The following CAD variants were observed in gnomAD, a reference collection of about 807,000 sequenced individuals.
The protein encoded by CAD is carbamoyl-phosphate synthetase 2, aspartate transcarbamylase, and dihydroorotase.
In CAD, 81 loss-of-function variants were observed where a neutral mutation model predicts 237.2. That is an observed-to-expected ratio of 0.34 (90% CI 0.29 to 0.41). The LOEUF is 0.41. Among genes scored for constraint, CAD ranks in the 10% least tolerant of loss-of-function variants. CAD has a pLI of 1.00. For missense variants in CAD, 2,181 were observed against 2,951.7 expected, an observed-to-expected ratio of 0.74 and a Z score of 6.05; for synonymous variants, 1,196 against 1,162.8, an observed-to-expected ratio of 1.03 and a Z score of -0.58.
Position 27,217,542 on chromosome 2 carries a change from C to A in CAD, c.-10C>A. The A allele has an allele frequency of 6.2e-7, 1 of 1,601,270 alleles. No individual in the cohort carries two copies. Among genetic ancestry groups the A allele is most frequent in the South Asian group, 1.1e-5 (1 of 88,692 alleles). On this transcript the variant is annotated 5_prime_UTR_variant, in exon 1 of 44. Transcript: ENST00000264705. Reference sequence around the variant, plus strand: ...CTCCGTACTCGCCCCCGCCTCTGAGCTCCCTTCCCATGGCGGCCCTAGTGT... The same window carrying A: ...CTCCGTACTCGCCCCCGCCTCTGAGATCCCTTCCCATGGCGGCCCTAGTGT...
At position 27,233,286 on chromosome 2, in the gene CAD, C is replaced by A. The variant is rs750460814; in HGVS notation, c.2992-26C>A. 1 of 1,598,718 alleles carries A rather than the reference C, an allele frequency of 6.3e-7. No individual in the cohort carries two copies. Among genetic ancestry groups the A allele is most frequent in the South Asian group, 1.1e-5 (1 of 90,706 alleles). ...GATTCCTGCCCTCTTTTGCTGCCACCACTTGTTTCTCCCCCTGCAACGTAG... is the reference window on the plus strand; with the variant it reads ...GATTCCTGCCCTCTTTTGCTGCCACAACTTGTTTCTCCCCCTGCAACGTAG... On this transcript the variant is annotated intron_variant, in intron 19 of 43. Transcript: ENST00000264705. The surrounding 1 kb of genome is among the most constrained non-coding windows in gnomAD (Gnocchi z 6.3).
In CAD at chr2:27,236,803, A is replaced by G. The variant is rs1290483871; in HGVS notation, c.4369A>G (p.Thr1457Ala). The G allele has an allele frequency of 2.5e-6, 4 of 1,613,880 alleles. No homozygotes were observed. The highest frequency in any genetic ancestry group is 3.4e-6 in the Non-Finnish European group (4 of 1,179,994). The change falls in exon 27 of 44, where the codon ACC becomes GCC. Residue 1457 changes from threonine (T) to alanine (A), a missense_variant. By Grantham distance (58) the Thr-to-Ala change is moderately conservative (BLOSUM62 0). Coordinates refer to ENST00000264705, the MANE Select transcript of CAD (RefSeq NM_004341.5). This position sits in a 1 kb window ranked among gnomAD's most constrained non-coding sequence, Gnocchi z 4.1. ...PPLKVHVDCMTSQKLVRLPGL... is the reference protein window; with the variant it reads ...PPLKVHVDCMASQKLVRLPGL... The stretch of plus-strand genomic sequence containing the variant: ...TTTGAAGGTGCATGTTGACTGTATG[A>G]CCTCCCAAAAGCTTGTGCGACTGCC...
intron 15 of CAD, among the ~76,000 whole-genome samples, chr2:27,228,660 C>T (rs1289106463): frequency 2.0e-5 from 3 of 151,664 alleles, no homozygotes; most frequent in Non-Finnish European, 2.9e-5. Context: ...GGTGTGATCT[C>T]GGCTCACCAC....
At chr2:27,230,204 G>T (rs2148073444) in intron 15 of CAD, among the ~76,000 whole-genome samples, 1 of 152,128 alleles carries the variant, frequency 6.6e-6, no homozygotes, top group South Asian at 2.1e-4. Context: ...TGCCATTGCA[G>T]TCCAGCGTGG....
At chr2:27,217,723 C>G in intron 1 of CAD, 90 bp downstream of exon 1, 1 of 1,431,998 alleles carries the variant, frequency 7.0e-7, no homozygotes, top group Non-Finnish European at 9.5e-7. Context: ...CGCCATTTTC[C>G]CGCCAGCGTA....
At chr2:27,228,199 G>A (rs1012366279) in intron 15 of CAD, among the ~76,000 whole-genome samples, 3 of 152,168 alleles carry the variant, frequency 2.0e-5, no homozygotes, top group East Asian at 1.9e-4. Flanking sequence ...CTTTACAGAA[G>A]AAGAAATCAA....
chr2:27,223,024 A>G lies in CAD; in HGVS notation c.796A>G (p.Thr266Ala). The change falls in exon 6 of 44, where the codon ACT becomes GCT. Residue 266 changes from threonine (T) to alanine (A), a missense_variant. Physicochemically the swap from Thr to Ala is moderately conservative, Grantham distance 58 (BLOSUM62 0). Coordinates refer to ENST00000264705, the MANE Select transcript of CAD (RefSeq NM_004341.5). ...ATTGGCCTTAGCCATTGGGGCCAAG[A>G]CTTACAAGATGAGGTGGGACTTGTG... is the stretch of plus-strand genomic sequence containing the variant. ...QLLALAIGAK[T>A]YKMRYGNRGH... The G allele has an allele frequency of 6.2e-7, 1 of 1,614,186 alleles. No individual in the cohort carries two copies. Among genetic ancestry groups the G allele is most frequent in the Non-Finnish European group, 8.5e-7 (1 of 1,180,020 alleles).
In CAD at chr2:27,237,714, C is replaced by T. The variant is rs773612945; in HGVS notation, c.4564-4C>T. On this transcript the variant is annotated splice_polypyrimidine_tract_variant and splice_region_variant and intron_variant, in intron 28 of 43. Coordinates refer to ENST00000264705, the MANE Select transcript of CAD (RefSeq NM_004341.5). The surrounding 1 kb of genome is among the most constrained non-coding windows in gnomAD (Gnocchi z 4.0). ...TGAGCCTTACCTCTGTGTATCCTCT[C>T]CAGCTGGCAGAGGCTGGCGCCCGGT... 4 of 1,611,110 alleles carry T rather than the reference C, an allele frequency of 2.5e-6. No individual in the cohort carries two copies. The highest frequency in any genetic ancestry group is 1.3e-5 in the African/African-American group (1 of 74,948).
Position 27,233,332 on chromosome 2 carries a change from G to A in CAD, c.3012G>A (p.Glu1004=), listed in dbSNP as rs751975843. The A allele has an allele frequency of 1.7e-5, 27 of 1,614,084 alleles. No individual in the cohort carries two copies. Among genetic ancestry groups the A allele is most frequent in the Non-Finnish European group, 2.3e-5 (27 of 1,180,018 alleles). Residue 1004 remains glutamate (E), a synonymous_variant, in exon 20 of 44, where the codon GAG becomes GAA. Coordinates refer to ENST00000264705, the MANE Select transcript of CAD (RefSeq NM_004341.5). The surrounding 1 kb of genome is among the most constrained non-coding windows in gnomAD (Gnocchi z 6.3). ...CGTAGGTGGTGATGGACATCTATGAGCTCGAGAACCCTGAAGGTGTGATCC... is the reference window on the plus strand; with the variant it reads ...CGTAGGTGGTGATGGACATCTATGAACTCGAGAACCCTGAAGGTGTGATCC... The part of the protein sequence containing the change: ...ISFEVVMDIY[E]LENPEGVILS...
intron 15 of CAD, among the ~76,000 whole-genome samples, chr2:27,229,878 A>G (rs929199812): frequency 1.4e-4 from 12 of 83,902 alleles, no homozygotes; most frequent in African/African-American, 3.2e-4. Context: ...ACGTCTCAGA[A>G]AAAAAAAAAA....
At position 27,233,744 on chromosome 2, in the gene CAD, G is replaced by A. The variant is rs1329384075; in HGVS notation, c.3335G>A (p.Ser1112Asn). 6.2e-7 allele frequency: 1 copy of A among 1,614,136 alleles called. No homozygotes were observed. Among genetic ancestry groups the A allele is most frequent in the African/African-American group, 1.3e-5 (1 of 75,036 alleles). ...GATGGAGACCTGGAGCGCTTCCTGA[G>A]CAGCGCAGCAGCCGTCTCCAAAGAG... Reference protein sequence around the residue: ...YTDGDLERFLSSAAAVSKEHP... With the variant: ...YTDGDLERFLNSAAAVSKEHP... The change falls in exon 21 of 44, where the codon AGC becomes AAC. Residue 1112 changes from serine to asparagine, a missense_variant. This residue lies in a region of CAD where 306 missense variants were observed against 607.9 expected (regional missense o/e 0.50). Transcript: ENST00000264705. The surrounding 1 kb of genome is among the most constrained non-coding windows in gnomAD (Gnocchi z 6.3).
At chr2:27,220,146 C>CA (rs1156665534) in intron 2 of CAD, among the ~76,000 whole-genome samples, 1 of 152,194 alleles carries the variant, frequency 6.6e-6, no homozygotes, top group African/African-American at 2.4e-5. Context: ...GCAATGCCTG[C>CA]ACCTCAATAA....
intron 2 of CAD, among the ~76,000 whole-genome samples, chr2:27,218,753 A>G (rs780592789): frequency 1.3e-5 from 2 of 152,168 alleles, no homozygotes; most frequent in Non-Finnish European, 2.9e-5. Flanking sequence ...TGACAGTTCA[A>G]GCATTAAAAA....
chr2:27,243,462 G>A lies in CAD; in HGVS notation c.6622G>A (p.Glu2208Lys), dbSNP rs1429988598. 1.9e-6 allele frequency: 3 copies of A among 1,607,876 alleles called. No homozygotes were observed. The highest frequency in any genetic ancestry group is 1.4e-5 in the African/African-American group (1 of 73,578). Residue 2208 changes from glutamate (E) to lysine (K), a missense_variant, in exon 44 of 44, where the codon GAG (glutamate) becomes AAG (lysine). By Grantham distance (56) the Glu-to-Lys change is moderately conservative. Around this residue, in one of 12 missense-constraint regions of CAD, gnomAD observed 170 missense variants for 212.1 expected, o/e 0.80. Coordinates refer to ENST00000264705, the MANE Select transcript of CAD (RefSeq NM_004341.5). ...CCGCGCAGCCTACTTCCGCCAGGCT[G>A]AGAACGGCATGTACATCCGCATGGC... Reference protein sequence around the residue: ...DPRAAYFRQAENGMYIRMALL... With the variant: ...DPRAAYFRQAKNGMYIRMALL...
At chr2:27,223,250 G>A (rs1224499622) in intron 6 of CAD, among the ~76,000 whole-genome samples, 12 of 152,174 alleles carry the variant, frequency 7.9e-5, no homozygotes, top group Non-Finnish European at 1.3e-4. Flanking sequence ...GGCCAACATG[G>A]TGAAACTCTG....
rs1358499576 is a variant in CAD at position 27,222,059 on chromosome 2, A to G, written c.353-135A>G. ...TTCATGGTAGTATACTTCTGTCACAATGGCCCAGGATTTTGATGCACATAG... is the reference window on the plus strand; with the variant it reads ...TTCATGGTAGTATACTTCTGTCACAGTGGCCCAGGATTTTGATGCACATAG... On this transcript the variant is annotated intron_variant, in intron 3 of 43. Transcript: ENST00000264705. The G allele has an allele frequency of 1.5e-5, 12 of 803,858 alleles. No homozygotes were observed. The East Asian group carries it at 1.7e-4, about 12-fold the overall frequency. The allele number at this position is 803,858 out of a possible 1,614,324, so 49.8% of individuals were successfully genotyped here. A position where few individuals can be genotyped will look rare whatever the true frequency, so the allele number is the denominator to read the frequency against.
Position 27,234,113 on chromosome 2 carries a change from AC to A in CAD, c.3512del (p.Pro1171HisfsTer40), listed in dbSNP as rs760688978. 5 of 1,613,258 alleles carry A rather than the reference AC, an allele frequency of 3.1e-6. No individual in the cohort carries two copies. Among genetic ancestry groups the A allele is most frequent in the Non-Finnish European group, 4.2e-6 (5 of 1,179,828 alleles). The stretch of plus-strand genomic sequence containing the variant: ...GCATTCAGGTGATGCGACGCTGGTG[AC>A]CCCCCCACAAGATATCACTGCCAAA... ...GVHSGDATLV[T>X]PPQDITAKTL... On this transcript the variant is annotated frameshift_variant, in exon 22 of 44. Coordinates refer to ENST00000264705, the MANE Select transcript of CAD (RefSeq NM_004341.5). LOFTEE classifies it high-confidence loss of function.
rs555314097 is a variant in CAD, at chr2:27,238,663, C to T, written c.5062+31C>T. 9.5e-6 allele frequency: 15 copies of T among 1,574,406 alleles called. No individual in the cohort carries two copies. In the South Asian group the frequency reaches 1.5e-4, roughly 16 times the overall value. On this transcript the variant is annotated intron_variant, in intron 31 of 43. Coordinates refer to ENST00000264705, the MANE Select transcript of CAD (RefSeq NM_004341.5). The stretch of plus-strand genomic sequence containing the variant: ...AGAATCCAGCATGTACCTCCTCTGC[C>T]CAGTGGGGCTTGTGGGACAGCCCTA...
chr2:27,225,549 A>ACCCCCCCCCCCACCC (rs10636656), intron 11 of CAD, among the ~76,000 whole-genome samples, 156 bp from the exon 12 acceptor site: 1 of 145,408 alleles, frequency 6.9e-6, no homozygotes, highest in African/African-American at 2.5e-5. Context: ...CAGGTGATCC[A>ACCCCCCCCCCCACCC]CCCCCCCGAC....
Sources: gnomAD v4.1 joint callset for allele counts (sites outside exome capture counted in the v4.1 genomes callset) on GRCh38, gnomAD v4.1.1 for gene constraint, gnomAD v4.1.1 regional missense constraint, Gnocchi (gnomAD v3.1) non-coding constraint, MANE v1.5 for transcripts, NCBI Gene and HGNC (gene_info 2026-07-23, HGNC 2026-07-21) for gene names.